The following GRIK2 variants were observed in gnomAD, a reference collection of about 807,000 sequenced individuals.
The protein encoded by GRIK2 is glutamate ionotropic receptor kainate type subunit 2.
In GRIK2, 32 loss-of-function variants were observed where a neutral mutation model predicts 100.3. That is an observed-to-expected ratio of 0.32 (90% confidence interval 0.24 to 0.43). The LOEUF (loss-of-function observed/expected upper bound fraction) is 0.43. Ranked by LOEUF, GRIK2 falls within the 20% of genes least tolerant of loss-of-function variation. The probability of loss-of-function intolerance (pLI) is 1.00; values close to 1 mark genes in which losing one functional copy is unlikely to be tolerated. For missense variants in GRIK2, 843 were observed against 1,114.9 expected, an observed-to-expected ratio of 0.76 and a Z score of 3.47; for synonymous variants, 417 against 389.4, an observed-to-expected ratio of 1.07 and a Z score of -0.83.
chr6:101,629,072 A>G (rs1214315255), intron 4 of GRIK2, among the ~76,000 whole-genome samples: 2 of 152,208 alleles, frequency 1.3e-5, no homozygotes, highest in Non-Finnish European at 2.9e-5. Flanking sequence ...ATTCTCAATT[A>G]TATCATTGAG....
chr6:101,495,751 T>C (rs1036273324), intron 2 of GRIK2, among the ~76,000 whole-genome samples: 8 of 152,094 alleles, frequency 5.3e-5, no homozygotes, highest in Non-Finnish European at 1.0e-4. Context: ...TCAAACAGGG[T>C]ATATTGGAGA....
At chr6:101,575,514 C>G (rs1445964363) in intron 2 of GRIK2, among the ~76,000 whole-genome samples, 2 of 151,908 alleles carry the variant, frequency 1.3e-5, no homozygotes, top group Admixed American at 6.6e-5. Flanking sequence ...GTAAATATAA[C>G]TGTTTTGTTG....
intron 12 of GRIK2, among the ~76,000 whole-genome samples, chr6:101,915,148 C>G (rs1789017431): frequency 1.3e-5 from 2 of 151,338 alleles, no homozygotes; most frequent in Admixed American, 6.6e-5. Context: ...TGACTCAAAA[C>G]TAATGCACAC....
At chr6:101,618,174 A>G (rs1197792264) in intron 2 of GRIK2, among the ~76,000 whole-genome samples, 2 of 151,600 alleles carry the variant, frequency 1.3e-5, no homozygotes, top group African/African-American at 4.8e-5. Context: ...ATTTCAATGT[A>G]TGATTGAAAT....
chr6:101,642,759 G>A (rs2128325078), intron 4 of GRIK2, among the ~76,000 whole-genome samples: 1 of 151,652 alleles, frequency 6.6e-6, no homozygotes, highest in East Asian at 1.9e-4. Flanking sequence ...ACCCAGATGT[G>A]GAATTGCTGG....
At chr6:101,414,273 C>A (rs1776008602) in intron 2 of GRIK2, among the ~76,000 whole-genome samples, 1 of 152,162 alleles carries the variant, frequency 6.6e-6, no homozygotes, top group Non-Finnish European at 1.5e-5. Flanking sequence ...ATTAGAATGA[C>A]CATGCATTTG....
intron 2 of GRIK2, among the ~76,000 whole-genome samples, chr6:101,474,653 C>T (rs1002375909): frequency 1.1e-4 from 17 of 151,734 alleles, no homozygotes; most frequent in African/African-American, 3.4e-4. Context: ...ATTTAGTATT[C>T]ATACTAAGCT....
chr6:101,815,645 G>C (rs1235877637), intron 9 of GRIK2, among the ~76,000 whole-genome samples: 1 of 150,786 alleles, frequency 6.6e-6, no homozygotes, highest in East Asian at 2.0e-4. Flanking sequence ...GTATTTCAAA[G>C]GCTTGATCAA....
chr6:101,951,192 A>T (rs540601485), intron 14 of GRIK2, among the ~76,000 whole-genome samples: 2 of 152,240 alleles, frequency 1.3e-5, no homozygotes, highest in Non-Finnish European at 2.9e-5. Flanking sequence ...ATGTATTTGC[A>T]TATATGTGAA....
At chr6:101,711,477 A>G (rs1773691448) in intron 7 of GRIK2, among the ~76,000 whole-genome samples, 1 of 151,806 alleles carries the variant, frequency 6.6e-6, no homozygotes, top group African/African-American at 2.4e-5. Context: ...AATATATAGT[A>G]GTAATATTAA....
chr6:101,542,447 A>G (rs1337986761), intron 2 of GRIK2, among the ~76,000 whole-genome samples: 1 of 150,012 alleles, frequency 6.7e-6, no homozygotes, highest in Admixed American at 6.7e-5. Flanking sequence ...CTTCTTTATC[A>G]ATAACAGGCG....
chr6:101,824,828 TTTGTGTCACAG>T lies in GRIK2; in HGVS notation c.1317+6346_1317+6356del, dbSNP rs1484972051. On this transcript the variant is annotated intron_variant, in intron 10 of 16. Coordinates refer to ENST00000369134, the MANE Select transcript of GRIK2 (RefSeq NM_021956.5). ...TTTACTTGCTTAAGCTTGTAAAGCT[TTTGTGTCACAG>T]CCCACAGATACGGAAGGCTTACTGG... is the stretch of plus-strand genomic sequence containing the variant. Among the ~76,000 whole-genome samples the T allele has an allele frequency of 1.1e-3, 161 of 152,292 alleles. 2 individuals carry two copies. In the East Asian group the frequency reaches 0.021, roughly 20 times the overall value.
chr6:101,749,829 G>A (rs541281677), intron 7 of GRIK2, among the ~76,000 whole-genome samples: 41 of 76,910 alleles, frequency 5.3e-4, no homozygotes, highest in Admixed American at 1.8e-3. Context: ...TTTTTTTTGT[G>A]TGAGACAGGG....
intron 14 of GRIK2, among the ~76,000 whole-genome samples, chr6:101,948,767 G>A (rs1475092006): frequency 1.3e-5 from 2 of 151,798 alleles, no homozygotes; most frequent in East Asian, 3.9e-4. Flanking sequence ...GAGCCACTGT[G>A]CCTGGCCTAA....
intron 10 of GRIK2, among the ~76,000 whole-genome samples, chr6:101,853,015 T>C (rs1353334744): frequency 6.6e-6 from 1 of 152,202 alleles, no homozygotes; most frequent in African/African-American, 2.4e-5. Context: ...GTTCTTTTAC[T>C]TATGTTAAGC....
chr6:101,682,503 T>C (rs368364952), intron 5 of GRIK2, 50 bp from the exon 6 acceptor site: 89 of 806,444 alleles, frequency 1.1e-4, no homozygotes, highest in Non-Finnish European at 1.8e-4. Flanking sequence ...ATTACTGACA[T>C]ACTGTCTTTC....
At position 101,912,447 on chromosome 6, in the gene GRIK2, T is replaced by C. The variant is rs563659005; in HGVS notation, c.1749-12154T>C. ...TATTTACGTGCAGCTCCTTAATTCA[T>C]GCTCAAAGATTATGTTATCAACAAT... On this transcript the variant is annotated intron_variant, in intron 12 of 16. Transcript: ENST00000369134. 3.3e-5 allele frequency among the ~76,000 whole-genome samples: 5 copies of C among 151,586 alleles called. 1 individual carries two copies. The highest frequency in any genetic ancestry group is 1.2e-4 in the African/African-American group (5 of 41,454).
At chr6:101,469,301 C>T (rs1771822429) in intron 2 of GRIK2, among the ~76,000 whole-genome samples, 1 of 152,102 alleles carries the variant, frequency 6.6e-6, no homozygotes, top group African/African-American at 2.4e-5. Flanking sequence ...AAAACTGTTA[C>T]TGGCATGCAA....
At chr6:101,875,726 T>G (rs1785783263) in intron 11 of GRIK2, among the ~76,000 whole-genome samples, 1 of 151,828 alleles carries the variant, frequency 6.6e-6, no homozygotes. Flanking sequence ...CTTTAGGGGT[T>G]TTTATGGAAA....
Sources: gnomAD v4.1 joint callset for allele counts (sites outside exome capture counted in the v4.1 genomes callset) on GRCh38, gnomAD v4.1.1 for gene constraint, MANE v1.5 for transcripts, NCBI Gene and HGNC (gene_info 2026-07-23, HGNC 2026-07-21) for gene names.